TBC1D22B: variants seen among roughly 807,000 people sequenced by gnomAD.
The protein encoded by TBC1D22B is TBC1 domain family member 22B.
In TBC1D22B, 32 loss-of-function variants were observed where a neutral mutation model predicts 69.1. That is an observed-to-expected ratio of 0.46 (90% CI 0.35 to 0.62). The LOEUF is 0.62. Ranked by LOEUF, TBC1D22B falls within the 20% of genes least tolerant of loss-of-function variation. The pLI is 0.00. For synonymous variants in TBC1D22B, 206 were observed against 229.8 expected, an observed-to-expected ratio of 0.90 and a Z score of 0.94; for missense variants, 462 against 630.9, an observed-to-expected ratio of 0.73 and a Z score of 2.87.
intron 12 of TBC1D22B, among the ~76,000 whole-genome samples, chr6:37,327,271 G>A (rs1299020022): frequency 3.0e-5 from 3 of 98,754 alleles, no homozygotes; most frequent in African/African-American, 1.6e-4. Flanking sequence ...GAGGTCAGGA[G>A]ATCGAGACCA....
intron 1 of TBC1D22B, among the ~76,000 whole-genome samples, chr6:37,261,958 TGTG>T (rs1562036353): frequency 8.2e-4 from 36 of 43,738 alleles, no homozygotes; most frequent in African/African-American, 6.1e-3. Context: ...TGTGTGTGTG[TGTG>T]TGTGTGTGTG....
chr6:37,274,599 A>T (rs1317959956), intron 2 of TBC1D22B, among the ~76,000 whole-genome samples: 1 of 152,248 alleles, frequency 6.6e-6, no homozygotes, highest in Non-Finnish European at 1.5e-5. Flanking sequence ...CATAAAATAG[A>T]GATAGTAAGA....
At chr6:37,316,238 G>A (rs111663647) in intron 10 of TBC1D22B, among the ~76,000 whole-genome samples, 1 of 152,186 alleles carries the variant, frequency 6.6e-6, no homozygotes, top group Non-Finnish European at 1.5e-5. Context: ...CCCTTGAGTG[G>A]AGTTTGTGAG....
chr6:37,270,239 G>T lies in TBC1D22B; in HGVS notation c.113+589G>T, dbSNP rs527925251. Among the ~76,000 whole-genome samples, 7 of 152,214 alleles carry T rather than the reference G, an allele frequency of 4.6e-5. 1 individual carries two copies. The South Asian group carries it at 1.5e-3, about 32-fold the overall frequency. On this transcript the variant is annotated intron_variant, in intron 2 of 12. Coordinates refer to ENST00000373491, the MANE Select transcript of TBC1D22B (RefSeq NM_017772.4). ...GGCTGAGGCAGGTGGATTACTTGAG[G>T]TCAGGAGTTCGAGACCAGCCTGGCC...
At chr6:37,322,273 T>TA (rs1461435919) in intron 12 of TBC1D22B, among the ~76,000 whole-genome samples, 1 of 152,096 alleles carries the variant, frequency 6.6e-6, no homozygotes, top group African/African-American at 2.4e-5. Flanking sequence ...CACGGTGGCT[T>TA]ATGCCTGTAA....
chr6:37,271,741 T>C (rs775359794), intron 2 of TBC1D22B, among the ~76,000 whole-genome samples: 2 of 152,220 alleles, frequency 1.3e-5, no homozygotes, highest in Non-Finnish European at 2.9e-5. Context: ...TAGTGCACTT[T>C]CTATAATTCT....
chr6:37,304,827 AACAG>A (rs1767661641), intron 8 of TBC1D22B, among the ~76,000 whole-genome samples: 1 of 152,234 alleles, frequency 6.6e-6, no homozygotes, highest in Non-Finnish European at 1.5e-5. Context: ...GGTGGGCAGA[AACAG>A]ACAATCAACT....
chr6:37,297,366 A>G (rs1209576486), intron 8 of TBC1D22B, among the ~76,000 whole-genome samples: 3 of 152,200 alleles, frequency 2.0e-5, no homozygotes, highest in African/African-American at 7.2e-5. Context: ...GCCAAGCAGT[A>G]ACATTACACT....
intron 2 of TBC1D22B, among the ~76,000 whole-genome samples, chr6:37,276,057 C>T (rs1289551112): frequency 2.6e-5 from 4 of 151,286 alleles, no homozygotes; most frequent in East Asian, 1.9e-4. Context: ...CTCTGCCTTC[C>T]GGGTTCAAGT....
intron 8 of TBC1D22B, among the ~76,000 whole-genome samples, chr6:37,301,438 C>T (rs1767569658): frequency 6.6e-6 from 1 of 152,188 alleles, no homozygotes; most frequent in Non-Finnish European, 1.5e-5. Flanking sequence ...CACTAATCTT[C>T]TGTATCTAGG....
intron 2 of TBC1D22B, among the ~76,000 whole-genome samples, chr6:37,276,749 G>T (rs1316933724): frequency 6.6e-6 from 1 of 152,084 alleles, no homozygotes; most frequent in East Asian, 1.9e-4. Flanking sequence ...TGATTAGCTG[G>T]GCATGGTGGT....
chr6:37,278,998 C>T (rs1766746162), intron 2 of TBC1D22B, among the ~76,000 whole-genome samples: 1 of 152,038 alleles, frequency 6.6e-6, no homozygotes, highest in Non-Finnish European at 1.5e-5. Flanking sequence ...GTAATCGCCT[C>T]ATTTCTCCTC....
chr6:37,261,403 G>T lies in TBC1D22B; in HGVS notation c.56+3430G>T, dbSNP rs551184973. On this transcript the variant is annotated intron_variant, in intron 1 of 12. Transcript: ENST00000373491. ...ACTGAGATTGCGTCACTCCACTCCA[G>T]CCTGGGCAACAGAGCAAGAGATTGT... Among the ~76,000 whole-genome samples, 244 of 142,786 alleles carry T rather than the reference G, an allele frequency of 1.7e-3. 1 individual carries two copies. The highest frequency in any genetic ancestry group is 6.3e-3 in the African/African-American group (238 of 37,588). 93.7% of individuals were successfully genotyped at this position (142,786 alleles called of 152,430 possible). A position where few individuals can be genotyped will look rare whatever the true frequency, so the allele number is the denominator to read the frequency against.
chr6:37,274,339 T>C (rs1446500861), intron 2 of TBC1D22B, among the ~76,000 whole-genome samples: 1 of 152,252 alleles, frequency 6.6e-6, no homozygotes, highest in African/African-American at 2.4e-5. Flanking sequence ...ATGATCAAAT[T>C]ACAGAATGCT....
Position 37,286,989 on chromosome 6 carries a change from A to G in TBC1D22B, c.802-18A>G, listed in dbSNP as rs781592968. ...AAAACTGGCATTTGTGTTTTTGGAC[A>G]TGCCTTCTCTTTTTCAGATTCACAT... On this transcript the variant is annotated intron_variant, in intron 6 of 12. Coordinates refer to ENST00000373491, the MANE Select transcript of TBC1D22B (RefSeq NM_017772.4). 2 of 1,586,874 alleles carry G rather than the reference A, an allele frequency of 1.3e-6. No homozygotes were observed. The highest frequency in any genetic ancestry group is 1.7e-6 in the Non-Finnish European group (2 of 1,171,674).
chr6:37,328,992 G>A (rs939004393), intron 12 of TBC1D22B, among the ~76,000 whole-genome samples: 2 of 152,096 alleles, frequency 1.3e-5, no homozygotes, highest in African/African-American at 2.4e-5. Flanking sequence ...CTCCCAAAGT[G>A]CTGGGATTAC....
At chr6:37,274,452 A>G (rs1195976109) in intron 2 of TBC1D22B, among the ~76,000 whole-genome samples, 1 of 152,234 alleles carries the variant, frequency 6.6e-6, no homozygotes, top group African/African-American at 2.4e-5. Flanking sequence ...CACTTTACCA[A>G]GTCAAATGTG....
intron 2 of TBC1D22B, among the ~76,000 whole-genome samples, chr6:37,274,818 A>C (rs1269462220): frequency 1.3e-5 from 2 of 152,232 alleles, no homozygotes; most frequent in South Asian, 2.1e-4. Context: ...TGAGAGGCCA[A>C]GGTGGGCAGA....
At chr6:37,279,831 T>C (rs1766772119) in intron 3 of TBC1D22B, among the ~76,000 whole-genome samples, 1 of 152,214 alleles carries the variant, frequency 6.6e-6, no homozygotes, top group Non-Finnish European at 1.5e-5. Context: ...GCCTTCACTC[T>C]CTGACACCCA....
Sources: gnomAD v4.1 joint callset for allele counts (sites outside exome capture counted in the v4.1 genomes callset) on GRCh38, gnomAD v4.1.1 for gene constraint, MANE v1.5 for transcripts, NCBI Gene and HGNC (gene_info 2026-07-23, HGNC 2026-07-21) for gene names.